The following EXOC6B variants were observed in gnomAD, a reference collection of about 807,000 sequenced individuals.
The protein encoded by EXOC6B is exocyst complex component 6B, also known as SEC15 homolog B.
In EXOC6B, 54 loss-of-function variants were observed where a neutral mutation model predicts 113.5. The ratio of observed to expected loss-of-function variants is 0.48; its 90% CI spans 0.38 to 0.60. The LOEUF (loss-of-function observed/expected upper bound fraction) is 0.60, where lower values mean the gene tolerates loss of function less well. EXOC6B is among the 20% of genes least tolerant of loss of function. The probability of loss-of-function intolerance (pLI) is 0.00; values close to 1 mark genes in which losing one functional copy is unlikely to be tolerated. For synonymous variants in EXOC6B, 357 were observed against 339.0 expected, an observed-to-expected ratio of 1.05 and a Z score of -0.58; for missense variants, 797 against 977.5, an observed-to-expected ratio of 0.82 and a Z score of 2.46.
rs543232671 is a variant in EXOC6B at position 72,412,902 on chromosome 2, CTTCCTTTCCTTCCT to C, written c.1981-33046_1981-33033del. Among the ~76,000 whole-genome samples the C allele has an allele frequency of 2.2e-3, 330 of 151,732 alleles. 16 individuals carry two copies. The South Asian group carries it at 0.065, about 30-fold the overall frequency. ...GCTTTTGTTCTAGACCAGAAGTTCCCTTCCTTTCCTTCCTTTCCTTTCCTTCCTTCTCTTTCTCT... is the reference window on the plus strand; with the variant it reads ...GCTTTTGTTCTAGACCAGAAGTTCCCTTCCTTTCCTTCCTTCTCTTTCTCT... On this transcript the variant is annotated intron_variant, in intron 18 of 21. Transcript: ENST00000272427.
chr2:72,359,509 T>G lies in EXOC6B; in HGVS notation c.2122+20220A>C, dbSNP rs77312332. ...GCCTCCAGAACTATAGGAAATAAATTTCTATTATTTATAAATTACCTAGTC... is the reference window on the plus strand; with the variant it reads ...GCCTCCAGAACTATAGGAAATAAATGTCTATTATTTATAAATTACCTAGTC... On this transcript the variant is annotated intron_variant, in intron 19 of 21. Coordinates refer to ENST00000272427, the MANE Select transcript of EXOC6B (RefSeq NM_015189.3). Among the ~76,000 whole-genome samples, 732 of 152,222 alleles carry G rather than the reference T, an allele frequency of 4.8e-3. 8 individuals are homozygous for G. The highest frequency in any genetic ancestry group is 0.016 in the African/African-American group (680 of 41,516).
At chr2:72,758,161 T>C (rs1315745078) in intron 1 of EXOC6B, among the ~76,000 whole-genome samples, 6 of 71,142 alleles carry the variant, frequency 8.4e-5, no homozygotes, top group Admixed American at 1.6e-4. Context: ...AGTGAGACTC[T>C]GTCTCAAAAA....
chr2:72,439,830 C>T (rs1267248336), intron 18 of EXOC6B, among the ~76,000 whole-genome samples: 2 of 152,158 alleles, frequency 1.3e-5, no homozygotes, highest in East Asian at 3.9e-4. Context: ...GTGTCTTGCA[C>T]TGATTCTTTC....
intron 19 of EXOC6B, among the ~76,000 whole-genome samples, chr2:72,337,083 T>C (rs1688734535): frequency 6.6e-6 from 1 of 152,080 alleles, no homozygotes; most frequent in Admixed American, 6.6e-5. Flanking sequence ...AAGCTTGATA[T>C]AATCCATTGT....
intron 6 of EXOC6B, among the ~76,000 whole-genome samples, chr2:72,600,299 A>G (rs1670333291): frequency 6.6e-6 from 1 of 151,914 alleles, no homozygotes; most frequent in South Asian, 2.1e-4. Flanking sequence ...AAATTAGCCC[A>G]GTGTGGTGGC....
chr2:72,582,496 G>A (rs1415952882), intron 6 of EXOC6B, among the ~76,000 whole-genome samples: 1 of 151,994 alleles, frequency 6.6e-6, no homozygotes, highest in Non-Finnish European at 1.5e-5. Flanking sequence ...TAGCCTGGGT[G>A]ATAAAGTGAG....
chr2:72,448,224 G>GT (rs1573142288), intron 18 of EXOC6B, among the ~76,000 whole-genome samples: 1 of 152,180 alleles, frequency 6.6e-6, no homozygotes, highest in South Asian at 2.1e-4. Flanking sequence ...TCTGCCTAGT[G>GT]TTTTTTCCTT....
chr2:72,355,272 G>A (rs961672441), intron 19 of EXOC6B, among the ~76,000 whole-genome samples: 9 of 151,820 alleles, frequency 5.9e-5, no homozygotes, highest in African/African-American at 1.9e-4. Context: ...AAATCTATAC[G>A]TTTCACTGCA....
Position 72,515,218 on chromosome 2 carries a change from G to A in EXOC6B, c.916-92C>T. ...AGAGAAGGTCCCAGGTCTGGAATTT[G>A]AGGTAGTATCACATTTCTCAAAATC... On this transcript the variant is annotated intron_variant, in intron 8 of 21. Coordinates refer to ENST00000272427, the MANE Select transcript of EXOC6B (RefSeq NM_015189.3). The A allele has an allele frequency of 8.3e-6, 10 of 1,200,090 alleles. No homozygotes were observed. The South Asian group carries it at 1.2e-4, about 15-fold the overall frequency. The allele number at this position is 1,200,090 out of a possible 1,614,324, so 74.3% of individuals were successfully genotyped here.
At chr2:72,472,647 C>T (rs748866467) in intron 17 of EXOC6B, among the ~76,000 whole-genome samples, 14 of 151,946 alleles carry the variant, frequency 9.2e-5, no homozygotes, top group African/African-American at 1.2e-4. Context: ...TTCAAGGAAC[C>T]GACTTTTTGT....
chr2:72,653,462 C>T (rs539949589), intron 6 of EXOC6B, among the ~76,000 whole-genome samples: 394 of 145,490 alleles, frequency 2.7e-3, no homozygotes, highest in Non-Finnish European at 4.5e-3. Flanking sequence ...TGCTAAATGA[C>T]GAGTTAATGG....
intron 6 of EXOC6B, among the ~76,000 whole-genome samples, chr2:72,641,816 C>T (rs113906689): frequency 0.13 from 20,070 of 151,644 alleles, 1,537 homozygotes; most frequent in African/African-American, 0.2. Flanking sequence ...CAGTAGCGGC[C>T]GACTGACACC....
At chr2:72,480,806 G>A in intron 16 of EXOC6B, 56 bp from the exon 17 acceptor site, 1 of 1,519,506 alleles carries the variant, frequency 6.6e-7, no homozygotes, top group Non-Finnish European at 8.9e-7. Flanking sequence ...CAGGATGAAT[G>A]GCTCAATATG....
At chr2:72,396,889 T>C (rs1692761110) in intron 18 of EXOC6B, among the ~76,000 whole-genome samples, 1 of 152,102 alleles carries the variant, frequency 6.6e-6, no homozygotes, top group Admixed American at 6.5e-5. Flanking sequence ...ATGCTAGATA[T>C]TTATTATTTA....
chr2:72,617,517 C>CTTTTTTTTTTTTTTTTTTTTTTTTTTTT (rs201912352), intron 6 of EXOC6B, among the ~76,000 whole-genome samples: 1 of 96,954 alleles, frequency 1.0e-5, no homozygotes, highest in Non-Finnish European at 2.0e-5. Context: ...AATCTTTTTT[C>CTTTTTTTTTTTTTTTTTTTTTTTTTTTT]TTTTTTTTTT....
At chr2:72,300,030 C>G (rs1210357825) in intron 20 of EXOC6B, among the ~76,000 whole-genome samples, 2 of 152,156 alleles carry the variant, frequency 1.3e-5, no homozygotes, top group African/African-American at 4.8e-5. Flanking sequence ...CAGTCTGTCC[C>G]TTAGCAGAGC....
intron 6 of EXOC6B, among the ~76,000 whole-genome samples, chr2:72,629,448 C>G (rs1672256554): frequency 6.6e-6 from 1 of 152,140 alleles, no homozygotes. Flanking sequence ...TTAGATGAAG[C>G]CAGATTCAAA....
At chr2:72,578,590 T>A (rs1705017653) in intron 6 of EXOC6B, among the ~76,000 whole-genome samples, 2 of 152,114 alleles carry the variant, frequency 1.3e-5, no homozygotes, top group South Asian at 4.1e-4. Context: ...TCTGTACTCC[T>A]ACCTTCAGTC....
chr2:72,317,015 T>C (rs936631036), intron 20 of EXOC6B, among the ~76,000 whole-genome samples: 2 of 152,110 alleles, frequency 1.3e-5, no homozygotes, highest in Non-Finnish European at 1.5e-5. Context: ...AAAGCTTACA[T>C]GGGGAAGAGT....
Sources: allele counts gnomAD v4.1 joint callset (sites outside exome capture counted in the v4.1 genomes callset), GRCh38; gene constraint gnomAD v4.1.1; transcripts MANE v1.5; gene names NCBI Gene and HGNC (gene_info 2026-07-23, HGNC 2026-07-21).